The following EXOC4 variants were observed in gnomAD, a reference collection of about 807,000 sequenced individuals.
EXOC4 encodes SEC8-like 1.
In EXOC4, 71 loss-of-function variants were observed where a neutral mutation model predicts 107.2. The ratio of observed to expected loss-of-function variants is 0.66; its 90% CI spans 0.55 to 0.81. The LOEUF (loss-of-function observed/expected upper bound fraction) is 0.81. EXOC4 is among the 30% of genes least tolerant of loss of function. The pLI is 0.00. For synonymous variants in EXOC4, 456 were observed against 441.2 expected (o/e 1.03, Z -0.42); for missense variants, 1,108 against 1,189.6 (o/e 0.93, Z 1.01).
rs1798344758 is a variant in EXOC4 at position 133,855,140 on chromosome 7, TA to T, written c.1734+37597del. 1.6e-5 allele frequency among the ~76,000 whole-genome samples: 2 copies of T among 124,690 alleles called. 1 individual carries two copies. The highest frequency in any genetic ancestry group is 7.4e-5 in the African/African-American group (2 of 27,202). The allele number at this position is 124,690 out of a possible 152,430, so 81.8% of individuals were successfully genotyped here. Reference sequence around the variant, plus strand: ...ATATATATATATAAATATATATATATATAAATATATATATAAATATATATAT... The same window carrying T: ...ATATATATATATAAATATATATATATTAAATATATATATAAATATATATAT... On this transcript the variant is annotated intron_variant, in intron 11 of 17. Transcript: ENST00000253861.
At chr7:134,062,447 C>CT (rs927547642) in intron 17 of EXOC4, among the ~76,000 whole-genome samples, 2 of 152,100 alleles carry the variant, frequency 1.3e-5, no homozygotes, top group African/African-American at 2.4e-5. Flanking sequence ...ATAGGAGGTT[C>CT]TTTTTTTCAA....
At chr7:133,578,931 C>G (rs551818136) in intron 9 of EXOC4, among the ~76,000 whole-genome samples, 1 of 152,124 alleles carries the variant, frequency 6.6e-6, no homozygotes, top group East Asian at 1.9e-4. Flanking sequence ...TGCTCTGCCC[C>G]TATCTGAGAA....
intron 9 of EXOC4, among the ~76,000 whole-genome samples, chr7:133,604,710 CTTTTTTTTTTTTTTTTTTTTT>C (rs61548710): frequency 2.0e-5 from 1 of 50,218 alleles, no homozygotes; most frequent in Non-Finnish European, 3.5e-5. Context: ...TTCCTTCTTT[CTTTTTTTTTTTTTTTTTTTTT>C]TTTTTTTTTT....
At chr7:133,596,881 G>T (rs530553226) in intron 9 of EXOC4, among the ~76,000 whole-genome samples, 74 of 152,136 alleles carry the variant, frequency 4.9e-4, no homozygotes, top group Non-Finnish European at 8.4e-4. Flanking sequence ...GACCTTGCTT[G>T]TATCTATTTA....
chr7:133,713,894 A>G (rs1285074384), intron 10 of EXOC4, among the ~76,000 whole-genome samples: 1 of 152,146 alleles, frequency 6.6e-6, no homozygotes, highest in Non-Finnish European at 1.5e-5. Context: ...TCCTTTATAA[A>G]TTACCCAATT....
intron 10 of EXOC4, among the ~76,000 whole-genome samples, chr7:133,645,239 G>A (rs778929974): frequency 2.0e-5 from 3 of 151,828 alleles, no homozygotes; most frequent in Non-Finnish European, 2.9e-5. Flanking sequence ...CTACAGGCGT[G>A]TGCCACCATG....
chr7:133,594,337 T>C (rs1289316957), intron 9 of EXOC4, among the ~76,000 whole-genome samples: 2 of 152,162 alleles, frequency 1.3e-5, no homozygotes, highest in East Asian at 1.9e-4. Flanking sequence ...TCTCTCTTCT[T>C]TTCCTTTGGC....
chr7:133,795,071 G>T (rs1394396682), intron 10 of EXOC4, among the ~76,000 whole-genome samples: 1 of 151,030 alleles, frequency 6.6e-6, no homozygotes, highest in East Asian at 2.0e-4. Context: ...ACTATACAAA[G>T]AACTTTTTTT....
intron 11 of EXOC4, among the ~76,000 whole-genome samples, chr7:133,866,542 A>C (rs1424388431): frequency 6.6e-6 from 1 of 152,184 alleles, no homozygotes; most frequent in Non-Finnish European, 1.5e-5. Flanking sequence ...GTAGCTAGTC[A>C]TTGTAGGCTG....
At chr7:133,651,894 A>G (rs1369057218) in intron 10 of EXOC4, among the ~76,000 whole-genome samples, 1 of 152,174 alleles carries the variant, frequency 6.6e-6, no homozygotes, top group Non-Finnish European at 1.5e-5. Context: ...CATGTTGGCC[A>G]GGCTGGTCTT....
At chr7:133,483,974 C>T in intron 9 of EXOC4, 1 of 1,550,402 alleles carries the variant, frequency 6.4e-7, no homozygotes, top group South Asian at 1.1e-5. Context: ...CTGTTAACAC[C>T]ATATAGCGGC....
At chr7:133,463,063 G>A (rs754941448) in intron 7 of EXOC4, among the ~76,000 whole-genome samples, 6 of 152,142 alleles carry the variant, frequency 3.9e-5, no homozygotes, top group Admixed American at 6.5e-5. Flanking sequence ...GGATATGGCC[G>A]GTGGGAGACT....
intron 9 of EXOC4, among the ~76,000 whole-genome samples, chr7:133,537,781 A>T (rs750242802): frequency 1.3e-5 from 2 of 152,212 alleles, no homozygotes; most frequent in Non-Finnish European, 2.9e-5. Flanking sequence ...ATTTATTTTT[A>T]TCAAAGCATC....
At chr7:133,506,201 T>G (rs959271310) in intron 9 of EXOC4, among the ~76,000 whole-genome samples, 5 of 152,164 alleles carry the variant, frequency 3.3e-5, no homozygotes, top group African/African-American at 1.2e-4. Context: ...AATATGATTG[T>G]TTTAAGTTGT....
rs182965274 is a variant in EXOC4 at position 133,369,640 on chromosome 7, C to T, written c.1008-5188C>T. ...CTTTTCTTATTCTGCATATTATCCC[C>T]GAGTGATCTCATCTCCTCAAATATT... On this transcript the variant is annotated intron_variant, in intron 6 of 17. Coordinates refer to ENST00000253861, the MANE Select transcript of EXOC4 (RefSeq NM_021807.4). 1.8e-3 allele frequency among the ~76,000 whole-genome samples: 275 copies of T among 152,116 alleles called. 1 individual carries two copies. Among genetic ancestry groups the T allele is most frequent in the African/African-American group, 4.7e-3 (196 of 41,470 alleles).
chr7:133,695,516 T>C (rs1794515552), intron 10 of EXOC4, among the ~76,000 whole-genome samples: 1 of 152,176 alleles, frequency 6.6e-6, no homozygotes, highest in Non-Finnish European at 1.5e-5. Context: ...ACTTTGTGGA[T>C]AGCAGGTTTC....
At chr7:133,601,978 A>G (rs1801818363) in intron 9 of EXOC4, 1 of 152,220 alleles carries the variant, frequency 6.6e-6, no homozygotes, top group Non-Finnish European at 1.5e-5. Flanking sequence ...CAGATCCTGC[A>G]CCTGCCCACC....
chr7:133,549,942 A>G (rs1584992234), intron 9 of EXOC4, among the ~76,000 whole-genome samples: 1 of 152,218 alleles, frequency 6.6e-6, no homozygotes, highest in East Asian at 1.9e-4. Context: ...TTGTTCTTTC[A>G]CATTTTTAAG....
chr7:134,085,774 T>G, the EXOC4 span, among the ~76,000 whole-genome samples: 1 of 152,182 alleles, frequency 6.6e-6, no homozygotes, highest in Non-Finnish European at 1.5e-5. Context: ...TGATTTAACA[T>G]GTGGCTGCCT....
Sources: gnomAD v4.1 joint callset for allele counts (sites outside exome capture counted in the v4.1 genomes callset) on GRCh38, gnomAD v4.1.1 for gene constraint, MANE v1.5 for transcripts, NCBI Gene and HGNC (gene_info 2026-07-23, HGNC 2026-07-21) for gene names.